Variants in CYP2C19 observed in about 807,000 individuals in gnomAD.
CYP2C19 encodes the protein cytochrome P450 family 2 subfamily C member 19.
A neutral mutation model predicts 40.9 loss-of-function variants in CYP2C19; 59 were observed. The observed-to-expected ratio is 1.44, with a 90% confidence interval of 1.17 to 1.79. CYP2C19 has a LOEUF of 1.79. Ranked by LOEUF, CYP2C19 falls within the 40% of genes most tolerant of loss-of-function variation. The pLI is 0.00. For synonymous variants in CYP2C19, 253 were observed against 208.7 expected (o/e 1.21, Z -1.83); for missense variants, 754 against 596.9 (o/e 1.26, Z -2.74).
Position 94,854,410 on chromosome 10 carries a change from T to A in CYP2C19, c.*1496T>A, listed in dbSNP as rs1277985122. Reference sequence around the variant, plus strand: ...TTTAACATTAGTGGGATGATAATTTTATGCTATTGTCCTAATATAATTAGC... The same window carrying A: ...TTTAACATTAGTGGGATGATAATTTAATGCTATTGTCCTAATATAATTAGC... On this transcript the variant is annotated 3_prime_UTR_variant, in exon 9 of 9. Transcript: ENST00000371321. 6.6e-6 allele frequency among the ~76,000 whole-genome samples: 1 copy of A among 152,166 alleles called. No individual in the cohort carries two copies. Among genetic ancestry groups the A allele is most frequent in the East Asian group, 1.9e-4 (1 of 5,194 alleles).
chr10:94,833,452 T>TC (rs1454203281), intron 6 of CYP2C19, among the ~76,000 whole-genome samples: 26 of 151,286 alleles, frequency 1.7e-4, no homozygotes, highest in Non-Finnish European at 8.8e-5. Flanking sequence ...TGTTTTTTTT[T>TC]CTTTTTTTTT....
intron 3 of CYP2C19, among the ~76,000 whole-genome samples, chr10:94,779,566 C>CTTTTCT (rs762886433): frequency 7.0e-6 from 1 of 142,424 alleles, no homozygotes; most frequent in African/African-American, 2.6e-5. Context: ...CTTTTCTTTT[C>CTTTTCT]TTTTTTTTTT....
intron 5 of CYP2C19, among the ~76,000 whole-genome samples, chr10:94,812,069 G>T (rs976383014): frequency 5.3e-5 from 8 of 152,116 alleles, no homozygotes; most frequent in African/African-American, 1.9e-4. Flanking sequence ...AGGCAGGCTT[G>T]GTGATGACAA....
At chr10:94,771,415 T>C (rs191352957) in intron 1 of CYP2C19, among the ~76,000 whole-genome samples, 25 of 152,182 alleles carry the variant, frequency 1.6e-4, no homozygotes, top group African/African-American at 4.6e-4. Context: ...AAAGAAAGCT[T>C]GGATATAAGG....
chr10:94,775,685 C>A (rs1341369766), intron 3 of CYP2C19, 146 bp downstream of exon 3: 3 of 1,393,630 alleles, frequency 2.2e-6, no homozygotes, highest in East Asian at 2.3e-5. Context: ...AGCTGAGAGC[C>A]AAGGGAATTT....
chr10:94,780,488 C>T lies in CYP2C19; in HGVS notation c.482-11C>T, dbSNP rs1848464881. 2.5e-6 allele frequency: 4 copies of T among 1,611,224 alleles called. No homozygotes were observed. Among genetic ancestry groups the T allele is most frequent in the Non-Finnish European group, 2.5e-6 (3 of 1,179,066 alleles). On this transcript the variant is annotated splice_polypyrimidine_tract_variant and intron_variant, in intron 3 of 8. Coordinates refer to ENST00000371321, the MANE Select transcript of CYP2C19 (RefSeq NM_000769.4). ...TTTACTCATATTTTAAAATTGTTTC[C>T]AATCATTTAGCTTCACCCTGTGATC...
chr10:94,782,242 G>A (rs1848488937), intron 5 of CYP2C19, among the ~76,000 whole-genome samples: 1 of 152,092 alleles, frequency 6.6e-6, no homozygotes, highest in Non-Finnish European at 1.5e-5. Context: ...CAATAAGGAT[G>A]TCAGGATAGG....
At chr10:94,828,193 C>G (rs369333182) in intron 6 of CYP2C19, among the ~76,000 whole-genome samples, 77 of 152,082 alleles carry the variant, frequency 5.1e-4, no homozygotes, top group African/African-American at 1.3e-3. Flanking sequence ...TTGGTGCAGA[C>G]CTGAGTTCAA....
At chr10:94,847,384 A>C (rs1396845792) in intron 7 of CYP2C19, among the ~76,000 whole-genome samples, 1 of 152,150 alleles carries the variant, frequency 6.6e-6, no homozygotes, top group Admixed American at 6.5e-5. Flanking sequence ...AGCTTCATCC[A>C]TGTCCCTACA....
chr10:94,847,762 T>G (rs905870344), intron 7 of CYP2C19, among the ~76,000 whole-genome samples: 3 of 152,184 alleles, frequency 2.0e-5, no homozygotes, highest in African/African-American at 4.8e-5. Context: ...TTTTTAATGA[T>G]CGCCATTCTA....
At chr10:94,770,931 T>C (rs755857109) in intron 1 of CYP2C19, among the ~76,000 whole-genome samples, 13 of 152,174 alleles carry the variant, frequency 8.5e-5, no homozygotes, top group Non-Finnish European at 1.9e-4. Context: ...TTCTATCATT[T>C]ACTTGACTAA....
chr10:94,827,103 G>T (rs1589369888), intron 6 of CYP2C19, among the ~76,000 whole-genome samples: 2 of 151,900 alleles, frequency 1.3e-5, no homozygotes, highest in Non-Finnish European at 2.9e-5. Flanking sequence ...TGTTCATCAA[G>T]GATATTGGTC....
At chr10:94,778,295 C>T (rs900392881) in intron 3 of CYP2C19, among the ~76,000 whole-genome samples, 1 of 152,168 alleles carries the variant, frequency 6.6e-6, no homozygotes, top group Admixed American at 6.5e-5. Context: ...TGTACATACT[C>T]CTCGTCCTCT....
At chr10:94,805,923 C>T (rs1589361068) in intron 5 of CYP2C19, among the ~76,000 whole-genome samples, 1 of 152,300 alleles carries the variant, frequency 6.6e-6, no homozygotes, top group Admixed American at 6.5e-5. Context: ...TTCCCATTCC[C>T]TTATCACTTG....
intron 5 of CYP2C19, among the ~76,000 whole-genome samples, chr10:94,813,840 A>C (rs1370061567): frequency 1.3e-5 from 2 of 150,090 alleles, no homozygotes; most frequent in East Asian, 2.0e-4. Flanking sequence ...CATAAAAAAA[A>C]CCCCTCCAGC....
chr10:94,793,818 T>C (rs1848643821), intron 5 of CYP2C19, among the ~76,000 whole-genome samples: 1 of 152,148 alleles, frequency 6.6e-6, no homozygotes, highest in Non-Finnish European at 1.5e-5. Context: ...GGTACCCACT[T>C]GAGGAGGCAG....
At chr10:94,811,274 AT>A (rs1848919136) in intron 5 of CYP2C19, among the ~76,000 whole-genome samples, 2 of 152,160 alleles carry the variant, frequency 1.3e-5, no homozygotes, top group South Asian at 4.2e-4. Flanking sequence ...GTTCTTTTGT[AT>A]TTGCTGATGG....
chr10:94,837,571 A>T (rs1226432106), intron 6 of CYP2C19, among the ~76,000 whole-genome samples: 3 of 152,176 alleles, frequency 2.0e-5, no homozygotes, highest in Admixed American at 2.0e-4. Flanking sequence ...TGAAAAGAGT[A>T]AAGTTCCTCA....
At chr10:94,831,205 A>G (rs1057387802) in intron 6 of CYP2C19, among the ~76,000 whole-genome samples, 1 of 151,112 alleles carries the variant, frequency 6.6e-6, no homozygotes, top group Non-Finnish European at 1.5e-5. Context: ...AAATGACTGA[A>G]TCTCATTCTT....
Sources: allele counts gnomAD v4.1 joint callset (sites outside exome capture counted in the v4.1 genomes callset), GRCh38; gene constraint gnomAD v4.1.1; transcripts MANE v1.5; gene names NCBI Gene and HGNC (gene_info 2026-07-23, HGNC 2026-07-21).